The following CDKL1 variants were observed in gnomAD, a reference collection of about 807,000 sequenced individuals.
CDKL1 encodes cyclin-dependent kinase-like 1.
Under a neutral mutation model 42.0 loss-of-function variants are expected in CDKL1, and 41 were observed. That is an observed-to-expected ratio of 0.98 (90% CI 0.76 to 1.27). The LOEUF (loss-of-function observed/expected upper bound fraction) is 1.27. Ranked by LOEUF, CDKL1 falls within the 50% of genes most tolerant of loss-of-function variation. The pLI is 0.00. For synonymous variants in CDKL1, 153 were observed against 158.6 expected (o/e 0.96, Z 0.26); for missense variants, 394 against 428.4 (o/e 0.92, Z 0.71).
chr14:50,376,858 G>A (rs2034748254), intron 2 of CDKL1, among the ~76,000 whole-genome samples: 1 of 152,150 alleles, frequency 6.6e-6, no homozygotes, highest in African/African-American at 2.4e-5. Flanking sequence ...ATGTTGATAA[G>A]TCTTATGGAA....
intron 2 of CDKL1, among the ~76,000 whole-genome samples, chr14:50,369,480 A>C (rs767673313): frequency 5.9e-5 from 9 of 151,894 alleles, no homozygotes; most frequent in Non-Finnish European, 1.2e-4. Flanking sequence ...AAAAACGTAC[A>C]AGCAATAGAG....
Position 50,339,019 on chromosome 14 carries a change from A to G in CDKL1, c.666T>C (p.Ile222=), listed in dbSNP as rs778908810. ...TGCTAAACACTTGCTGGTGCCTAGG[A>G]ATGAGATCCCCTTTGGACAAGAAAA... ...YLIRKTLGDL[I]PRHQQVFSTN... The change falls in exon 7 of 10, where the codon ATT becomes ATC. Residue 222 remains isoleucine, a synonymous_variant. Coordinates refer to ENST00000395834, the MANE Select transcript of CDKL1 (RefSeq NM_004196.7). 6.2e-7 allele frequency: 1 copy of G among 1,608,254 alleles called. No individual in the cohort carries two copies. Among genetic ancestry groups the G allele is most frequent in the East Asian group, 2.2e-5 (1 of 44,846 alleles).
rs1018320451 is a variant in CDKL1, at chr14:50,329,444, A to C, written c.*630T>G. 6.6e-6 allele frequency: 1 copy of C among 152,352 alleles called. No homozygotes were observed. The highest frequency in any genetic ancestry group is 2.4e-5 in the African/African-American group (1 of 41,462). The allele number at this position is 152,352 out of a possible 1,614,324, so 9.4% of individuals were successfully genotyped here. A position where few individuals can be genotyped will look rare whatever the true frequency, so the allele number is the denominator to read the frequency against. On this transcript the variant is annotated 3_prime_UTR_variant, in exon 10 of 10. Coordinates refer to ENST00000395834, the MANE Select transcript of CDKL1 (RefSeq NM_004196.7). ...ACTAAGGTGTATCCTTTACTGATAAAGTAAGGATGAAATGTGGAAACATAT... is the reference window on the plus strand; with the variant it reads ...ACTAAGGTGTATCCTTTACTGATAACGTAAGGATGAAATGTGGAAACATAT...
At chr14:50,332,760 T>G in intron 8 of CDKL1, 1 of 1,142,016 alleles carries the variant, frequency 8.8e-7, no homozygotes, top group Non-Finnish European at 1.2e-6. Context: ...TTTAGCCAGT[T>G]TGGTCCCTTG....
intron 2 of CDKL1, among the ~76,000 whole-genome samples, chr14:50,377,212 T>A (rs1167948781): frequency 6.6e-6 from 1 of 152,132 alleles, no homozygotes; most frequent in African/African-American, 2.4e-5. Context: ...TGTCCTTGGT[T>A]TTTGCTTTCT....
At chr14:50,360,804 G>GTC (rs1179282583) in intron 2 of CDKL1, among the ~76,000 whole-genome samples, 1 of 151,768 alleles carries the variant, frequency 6.6e-6, no homozygotes, top group Admixed American at 6.6e-5. Flanking sequence ...GTGTGTGTGT[G>GTC]TGTGTGTGTG....
intron 2 of CDKL1, chr14:50,378,474 T>C (rs1246358682): frequency 2.2e-6 from 3 of 1,349,942 alleles, no homozygotes; most frequent in East Asian, 4.6e-5. Flanking sequence ...CACTACACTG[T>C]CGCATAACTT....
At chr14:50,367,983 G>C (rs1289315614) in intron 2 of CDKL1, among the ~76,000 whole-genome samples, 1 of 151,924 alleles carries the variant, frequency 6.6e-6, no homozygotes, top group Non-Finnish European at 1.5e-5. Flanking sequence ...TTTTGAAACA[G>C]GGTCTCACTC....
At chr14:50,356,062 T>C (rs189915659) in intron 3 of CDKL1, among the ~76,000 whole-genome samples, 85 of 152,232 alleles carry the variant, frequency 5.6e-4, no homozygotes, top group Non-Finnish European at 1.0e-3. Context: ...ATATAAGAAG[T>C]GATCACAGGA....
At chr14:50,356,023 T>A (rs1302966968) in intron 3 of CDKL1, among the ~76,000 whole-genome samples, 2 of 152,166 alleles carry the variant, frequency 1.3e-5, no homozygotes, top group Non-Finnish European at 2.9e-5. Flanking sequence ...CATGCTCAAC[T>A]TTGTATTTTA....
chr14:50,357,739 G>A (rs1172454470), intron 3 of CDKL1, among the ~76,000 whole-genome samples: 1 of 152,172 alleles, frequency 6.6e-6, no homozygotes, highest in Non-Finnish European at 1.5e-5. Flanking sequence ...GACTTAATGT[G>A]CAGATGCTAC....
At chr14:50,334,065 T>C (rs2033120031) in intron 8 of CDKL1, 1 of 152,072 alleles carries the variant, frequency 6.6e-6, no homozygotes, top group Non-Finnish European at 1.5e-5. Flanking sequence ...TCAAATATAA[T>C]GTTAGGTTTA....
chr14:50,328,930 TA>T lies in CDKL1; in HGVS notation c.*1143del, dbSNP rs1243037987. ...TTTATATATATATATAAAAAACACA[TA>T]TATATATATGTGTGTGTGTGTCATC... is the stretch of plus-strand genomic sequence containing the variant. On this transcript the variant is annotated 3_prime_UTR_variant, in exon 10 of 10. Coordinates refer to ENST00000395834, the MANE Select transcript of CDKL1 (RefSeq NM_004196.7). 1 of 148,100 alleles carries T rather than the reference TA, an allele frequency of 6.8e-6. No homozygotes were observed. The highest frequency in any genetic ancestry group is 1.5e-5 in the Non-Finnish European group (1 of 67,110). The allele number at this position is 148,100 out of a possible 1,614,324, so 9.2% of individuals were successfully genotyped here. A position where few individuals can be genotyped will look rare whatever the true frequency, so the allele number is the denominator to read the frequency against.
At position 50,329,363 on chromosome 14, in the gene CDKL1, A is replaced by G. The variant is rs1010345442; in HGVS notation, c.*711T>C. 5.3e-5 allele frequency: 8 copies of G among 152,088 alleles called. No individual in the cohort carries two copies. The highest frequency in any genetic ancestry group is 1.9e-4 in the African/African-American group (8 of 41,390). The allele number at this position is 152,088 out of a possible 1,614,324, so 9.4% of individuals were successfully genotyped here. A position where few individuals can be genotyped will look rare whatever the true frequency, so the allele number is the denominator to read the frequency against. ...GCTTCATGCCATTGTTTACAAGGGG[A>G]ATTGGGTGAATAAATGTAGACAGAT... On this transcript the variant is annotated 3_prime_UTR_variant, in exon 10 of 10. Transcript: ENST00000395834.
intron 3 of CDKL1, among the ~76,000 whole-genome samples, chr14:50,358,707 T>C (rs981546693): frequency 2.8e-5 from 4 of 140,690 alleles, no homozygotes; most frequent in African/African-American, 1.1e-4. Flanking sequence ...TGGTGCAATC[T>C]TGGCTCACTG....
chr14:50,364,572 TG>T (rs1384572005), intron 2 of CDKL1, among the ~76,000 whole-genome samples: 1 of 152,126 alleles, frequency 6.6e-6, no homozygotes, highest in Non-Finnish European at 1.5e-5. Flanking sequence ...TCCAATTTTT[TG>T]CTATTATAAA....
intron 2 of CDKL1, among the ~76,000 whole-genome samples, chr14:50,393,900 CTT>C (rs2035328678): frequency 6.6e-6 from 1 of 152,162 alleles, no homozygotes; most frequent in South Asian, 2.1e-4. Flanking sequence ...CAACATCCAC[CTT>C]TGTTAAGAGT....
chr14:50,395,186 CAAT>C (rs1423013749), intron 2 of CDKL1, among the ~76,000 whole-genome samples: 1 of 152,204 alleles, frequency 6.6e-6, no homozygotes, highest in East Asian at 1.9e-4. Context: ...TAAAAATCAA[CAAT>C]GCCAGCAAAA....
At chr14:50,332,993 C>T (rs7140731) in intron 8 of CDKL1, 135,930 of 240,554 alleles carry the variant, frequency 0.57, 39,412 homozygotes, top group East Asian at 0.61. Context: ...AGAGGCATAA[C>T]GTACATGCCT....
Sources: gnomAD v4.1 joint callset for allele counts (sites outside exome capture counted in the v4.1 genomes callset) on GRCh38, gnomAD v4.1.1 for gene constraint, MANE v1.5 for transcripts, NCBI Gene and HGNC (gene_info 2026-07-23, HGNC 2026-07-21) for gene names.